ZDHHC11B: variants seen among roughly 807,000 people sequenced by gnomAD.
ZDHHC11B encodes the protein probable palmitoyltransferase ZDHHC11B.
ZDHHC11B carries 17 observed loss-of-function variants against 42.3 expected under a neutral mutation model. That is an observed-to-expected ratio of 0.40 (90% CI 0.27 to 0.60). The LOEUF (loss-of-function observed/expected upper bound fraction) is 0.60. Ranked by LOEUF, ZDHHC11B falls within the 20% of genes least tolerant of loss-of-function variation. ZDHHC11B has a pLI of 0.41. For synonymous variants in ZDHHC11B, 123 were observed against 193.5 expected, an observed-to-expected ratio of 0.64 and a Z score of 3.02; for missense variants, 262 against 463.2, an observed-to-expected ratio of 0.57 and a Z score of 3.99.
intron 9 of ZDHHC11B, 42 bp downstream of exon 9, chr5:745,141 T>G (rs1744617814): frequency 8.4e-7 from 1 of 1,186,872 alleles, no homozygotes; most frequent in Non-Finnish European, 1.2e-6. Flanking sequence ...CCTTAGACAT[T>G]GTCCCAGGCC....
chr5:733,301 G>A (rs1401759474), intron 11 of ZDHHC11B, among the ~76,000 whole-genome samples: 2 of 151,650 alleles, frequency 1.3e-5, no homozygotes, highest in Non-Finnish European at 2.9e-5. Flanking sequence ...TTGTACGTGT[G>A]ACCACACACA....
chr5:753,426 T>C (rs1401316727), intron 6 of ZDHHC11B, among the ~76,000 whole-genome samples: 1 of 130,684 alleles, frequency 7.7e-6, no homozygotes. Context: ...ACACAGGCGG[T>C]GTCTACACTT....
intron 12 of ZDHHC11B, among the ~76,000 whole-genome samples, chr5:721,772 A>G (rs1232939271): frequency 6.6e-6 from 1 of 151,740 alleles, no homozygotes; most frequent in East Asian, 1.9e-4. Flanking sequence ...CATAATACTG[A>G]ATAACTAGAG....
chr5:764,419 C>A (rs118001254), intron 4 of ZDHHC11B, among the ~76,000 whole-genome samples: 2 of 151,010 alleles, frequency 1.3e-5, no homozygotes, highest in African/African-American at 4.8e-5. Flanking sequence ...AGCACTAGTT[C>A]GGGGTGGGCA....
intron 12 of ZDHHC11B, among the ~76,000 whole-genome samples, chr5:724,887 A>T (rs1742457940): frequency 6.8e-6 from 1 of 147,784 alleles, no homozygotes; most frequent in Non-Finnish European, 1.5e-5. Flanking sequence ...CTGTCTGCCC[A>T]TCACTCTGGT....
chr5:732,730 T>C, intron 11 of ZDHHC11B: 1 of 415,194 alleles, frequency 2.4e-6, no homozygotes, highest in Non-Finnish European at 4.8e-6. Flanking sequence ...CAAATCCTGC[T>C]CAAAAGGACC....
intron 4 of ZDHHC11B, among the ~76,000 whole-genome samples, chr5:761,334 G>A (rs1233606523): frequency 6.6e-6 from 1 of 151,864 alleles, no homozygotes; most frequent in African/African-American, 2.4e-5. Context: ...CGGGGCCAAT[G>A]GGGCTGCCAT....
intron 12 of ZDHHC11B, among the ~76,000 whole-genome samples, chr5:724,919 G>A (rs1742459715): frequency 6.8e-6 from 1 of 147,100 alleles, no homozygotes; most frequent in Non-Finnish European, 1.5e-5. Flanking sequence ...CAGACTGGTT[G>A]CAGACATCTG....
chr5:724,954 G>A (rs1330728027), intron 12 of ZDHHC11B, among the ~76,000 whole-genome samples: 3 of 145,890 alleles, frequency 2.1e-5, no homozygotes, highest in East Asian at 2.1e-4. Context: ...ATGCACACAC[G>A]GCACTTCTGG....
In ZDHHC11B at chr5:756,569, C is replaced by A. The variant is rs12658346; in HGVS notation, c.223-425G>T. ...AGAATGTACCGCACCCCCAGAGGCT[C>A]AGTCAGCCCAGCCAAGCACAGTGAC... On this transcript the variant is annotated intron_variant, in intron 4 of 13. Coordinates refer to ENST00000508859, the MANE Select transcript of ZDHHC11B (RefSeq NM_001351303.2). Among the ~76,000 whole-genome samples, 41 of 151,766 alleles carry A rather than the reference C, an allele frequency of 2.7e-4. No homozygotes were observed. In the East Asian group the frequency reaches 4.5e-3, roughly 16 times the overall value.
chr5:751,463 TGAGGCAGGGGCG>T (rs1745704509), intron 6 of ZDHHC11B, among the ~76,000 whole-genome samples: 1 of 21,104 alleles, frequency 4.7e-5, no homozygotes, highest in Non-Finnish European at 9.6e-5. Context: ...GCAGGGCATC[TGAGGCAGGGGCG>T]GGGGCATGCA....
chr5:719,891 A>C (rs1253567274), intron 12 of ZDHHC11B, among the ~76,000 whole-genome samples: 5 of 151,802 alleles, frequency 3.3e-5, no homozygotes, highest in Non-Finnish European at 7.4e-5. Flanking sequence ...TCTGAGTAGC[A>C]TGATGAAATG....
intron 13 of ZDHHC11B, among the ~76,000 whole-genome samples, 178 bp from the exon 14 acceptor site, chr5:712,460 A>C (rs1331764211): frequency 7.0e-6 from 1 of 143,270 alleles, no homozygotes; most frequent in Non-Finnish European, 1.5e-5. Flanking sequence ...AGCTGGGTCT[A>C]GTGAGAGTCC....
At chr5:715,874 G>A (rs1371926528) in intron 13 of ZDHHC11B, among the ~76,000 whole-genome samples, 7 of 151,558 alleles carry the variant, frequency 4.6e-5, no homozygotes, top group African/African-American at 1.7e-4. Context: ...AGACGGCTGT[G>A]GGAGCTGCCT....
intron 6 of ZDHHC11B, among the ~76,000 whole-genome samples, chr5:754,617 C>CCACCATGCT (rs1746358460): frequency 7.8e-6 from 1 of 127,442 alleles, no homozygotes; most frequent in Non-Finnish European, 1.7e-5. Context: ...CACCTCTCGT[C>CCACCATGCT]CATCTGCGCT....
At chr5:771,976 G>A (rs1214490211) in intron 1 of ZDHHC11B, among the ~76,000 whole-genome samples, 8 of 151,818 alleles carry the variant, frequency 5.3e-5, no homozygotes, top group East Asian at 1.9e-4. Flanking sequence ...CCATCAGCAC[G>A]TGCTTTGCAT....
In ZDHHC11B at chr5:756,633, A is replaced by G. The variant is rs374717816; in HGVS notation, c.223-489T>C. Among the ~76,000 whole-genome samples, 198 of 151,672 alleles carry G rather than the reference A, an allele frequency of 1.3e-3. 3 individuals carry two copies. The highest frequency in any genetic ancestry group is 4.6e-3 in the African/African-American group (191 of 41,248). ...ACAGCTTGAGGGACAGAGCAGGGCC[A>G]CAGGAGGTACGCCCCAGGTGTAAAC... On this transcript the variant is annotated intron_variant, in intron 4 of 13. Transcript: ENST00000508859.
chr5:766,739 T>A lies in ZDHHC11B; in HGVS notation c.181A>T (p.Ile61Phe). ...TTCCACGAGTGAGGCAGGAGGGGAA[T>A]GAAGATCCTGAAGGTGGCCAAGGAA... is the stretch of plus-strand genomic sequence containing the variant. ...GLSLATFRIF[I>F]PLLPHSWKYI... The change falls in exon 4 of 14, where the codon ATT becomes TTT. Residue 61 changes from isoleucine (I) to phenylalanine (F), a missense_variant. Ile to Phe is a conservative substitution (Grantham distance 21). Coordinates refer to ENST00000508859, the MANE Select transcript of ZDHHC11B (RefSeq NM_001351303.2). The A allele has an allele frequency of 6.2e-7, 1 of 1,611,862 alleles. No homozygotes were observed. Among genetic ancestry groups the A allele is most frequent in the Non-Finnish European group, 8.5e-7 (1 of 1,178,892 alleles).
intron 4 of ZDHHC11B, among the ~76,000 whole-genome samples, chr5:757,036 G>A (rs56817128): frequency 0.012 from 1,743 of 150,956 alleles, 13 homozygotes; most frequent in South Asian, 0.019. Context: ...TGGGCTCCCC[G>A]TGACTGGAAC....
Sources: allele counts gnomAD v4.1 joint callset (sites outside exome capture counted in the v4.1 genomes callset), GRCh38; gene constraint gnomAD v4.1.1; transcripts MANE v1.5; gene names NCBI Gene and HGNC (gene_info 2026-07-23, HGNC 2026-07-21).